Variants in PKN2 observed in about 807,000 individuals in gnomAD.
PKN2 encodes protein kinase N2, also known as serine/threonine-protein kinase N2.
PKN2 carries 38 observed loss-of-function variants against 119.1 expected under a neutral mutation model. The ratio of observed to expected loss-of-function variants is 0.32; its 90% CI spans 0.25 to 0.42. PKN2 has a LOEUF of 0.42. Among genes scored for constraint, PKN2 ranks in the 10% least tolerant of loss-of-function variants. The pLI, the probability that PKN2 is intolerant of heterozygous loss-of-function variation, is 1.00. For synonymous variants in PKN2, 390 were observed against 384.9 expected (o/e 1.01, Z -0.15); for missense variants, 850 against 1,165.1 (o/e 0.73, Z 3.94).
At chr1:88,757,965 C>A (rs900328619) in intron 2 of PKN2, among the ~76,000 whole-genome samples, 1 of 147,026 alleles carries the variant, frequency 6.8e-6, no homozygotes, top group African/African-American at 2.6e-5. Context: ...TGCTTGAACC[C>A]AGGAGGCGGA....
At chr1:88,689,156 A>G (rs889326817) in intron 1 of PKN2, among the ~76,000 whole-genome samples, 2 of 152,156 alleles carry the variant, frequency 1.3e-5, no homozygotes, top group African/African-American at 4.8e-5. Context: ...GGTAGTTAAG[A>G]CAGACTTTAC....
chr1:88,809,192 T>G (rs1671683605), intron 15 of PKN2, among the ~76,000 whole-genome samples: 1 of 152,214 alleles, frequency 6.6e-6, no homozygotes, highest in Non-Finnish European at 1.5e-5. Flanking sequence ...TCAAAATAAA[T>G]GCTTTCTTGA....
intron 1 of PKN2, among the ~76,000 whole-genome samples, chr1:88,702,342 A>G (rs530382384): frequency 4.3e-4 from 65 of 152,306 alleles, no homozygotes; most frequent in Non-Finnish European, 8.2e-4. Context: ...GGAGGGTAGG[A>G]TAATAGGAAC....
chr1:88,747,179 G>A (rs188856757), intron 2 of PKN2, among the ~76,000 whole-genome samples: 47 of 152,232 alleles, frequency 3.1e-4, no homozygotes, highest in Non-Finnish European at 5.9e-4. Flanking sequence ...GGAGGAATAA[G>A]TTCTGTTGAT....
At chr1:88,772,048 T>A (rs958117190) in intron 6 of PKN2, among the ~76,000 whole-genome samples, 169 bp downstream of exon 6, 6 of 152,220 alleles carry the variant, frequency 3.9e-5, no homozygotes, top group African/African-American at 1.4e-4. Context: ...TTGGAAGCAT[T>A]TGCTATATTC....
At chr1:88,822,652 C>T (rs951795562) in intron 17 of PKN2, among the ~76,000 whole-genome samples, 10 of 150,640 alleles carry the variant, frequency 6.6e-5, no homozygotes, top group Admixed American at 1.3e-4. Context: ...AATCTCGGCT[C>T]ATGGCAACCT....
At chr1:88,795,034 T>A (rs1271223448) in intron 8 of PKN2, among the ~76,000 whole-genome samples, 8 of 152,354 alleles carry the variant, frequency 5.3e-5, no homozygotes, top group Non-Finnish European at 8.8e-5. Context: ...GTAAAAGTTA[T>A]CCCACATTTT....
chr1:88,816,930 C>G (rs1383676568), intron 16 of PKN2: 9 of 152,042 alleles, frequency 5.9e-5, no homozygotes, highest in African/African-American at 2.2e-4. Context: ...CAAAAAAAGC[C>G]CAGGACCAGA....
Position 88,684,463 on chromosome 1 carries a change from AGTT to A in PKN2, c.-114_-112del, listed in dbSNP as rs1287318363. On this transcript the variant is annotated 5_prime_UTR_variant, in exon 1 of 22. Coordinates refer to ENST00000370521, the MANE Select transcript of PKN2 (RefSeq NM_006256.4). ...AGGGGCTGCGCCTCCATGAATCCCT[AGTT>A]GTTTTTTTTTTTTTCTTTCTCTCCC... is the stretch of plus-strand genomic sequence containing the variant. The A allele has an allele frequency of 3.0e-5, 24 of 810,164 alleles. No individual in the cohort carries two copies. In the Middle Eastern group the frequency reaches 2.0e-3, roughly 67 times the overall value. The allele number at this position is 810,164 out of a possible 1,614,324, so 50.2% of individuals were successfully genotyped here.
intron 8 of PKN2, among the ~76,000 whole-genome samples, chr1:88,799,707 A>G (rs931482325): frequency 6.6e-6 from 1 of 152,220 alleles, no homozygotes; most frequent in African/African-American, 2.4e-5. Flanking sequence ...AGATTCTGGC[A>G]ATGATTTAAG....
intron 1 of PKN2, among the ~76,000 whole-genome samples, chr1:88,692,154 C>T (rs1666361084): frequency 6.6e-6 from 1 of 151,750 alleles, no homozygotes; most frequent in Non-Finnish European, 1.5e-5. Context: ...GATTTATCCA[C>T]ATTTTTGCAT....
Position 88,807,404 on chromosome 1 carries a change from G to T in PKN2, c.1895G>T (p.Gly632Val), listed in dbSNP as rs766724728. The T allele has an allele frequency of 6.2e-7, 1 of 1,610,570 alleles. No homozygotes were observed. The highest frequency in any genetic ancestry group is 8.5e-7 in the Non-Finnish European group (1 of 1,177,858). Residue 632 changes from glycine (G) to valine (V), a missense_variant, in exon 13 of 22, where the codon GGC becomes GTC. By Grantham distance (109) the Gly-to-Val change is moderately radical. Transcript: ENST00000370521. ...TACAAGCCTGATACTCCTCAGTCAG[G>T]CCTAGAATATAGTGGTATTCAAGAA... ...SEYKPDTPQSGLEYSGIQELE... is the reference protein window; with the variant it reads ...SEYKPDTPQSVLEYSGIQELE...
intron 2 of PKN2, among the ~76,000 whole-genome samples, chr1:88,743,990 A>C (rs1668672054): frequency 3.9e-5 from 6 of 152,168 alleles, no homozygotes; most frequent in Admixed American, 3.9e-4. Context: ...AAGTTCGTCA[A>C]ATTTTTATTT....
chr1:88,732,396 T>TAAA (rs113356622), intron 1 of PKN2, among the ~76,000 whole-genome samples: 5 of 152,308 alleles, frequency 3.3e-5, no homozygotes, highest in African/African-American at 1.2e-4. Flanking sequence ...TAACTTGAAA[T>TAAA]AAAAGTGTGT....
chr1:88,717,635 A>G (rs965153235), intron 1 of PKN2, among the ~76,000 whole-genome samples: 1 of 151,908 alleles, frequency 6.6e-6, no homozygotes, highest in African/African-American at 2.4e-5. Flanking sequence ...CATGGTTTAC[A>G]GCTCCATCAG....
rs1665983534 is a variant in PKN2 at position 88,684,466 on chromosome 1, T to A, written c.-115T>A. 18 of 851,672 alleles carry A rather than the reference T, an allele frequency of 2.1e-5. No individual in the cohort carries two copies. The highest frequency in any genetic ancestry group is 1.6e-4 in the East Asian group (5 of 32,250). The allele number at this position is 851,672 out of a possible 1,614,324, so 52.8% of individuals were successfully genotyped here. A position where few individuals can be genotyped will look rare whatever the true frequency, so the allele number is the denominator to read the frequency against. On this transcript the variant is annotated 5_prime_UTR_variant, in exon 1 of 22. Transcript: ENST00000370521. ...GGCTGCGCCTCCATGAATCCCTAGT[T>A]GTTTTTTTTTTTTTCTTTCTCTCCC... is the stretch of plus-strand genomic sequence containing the variant.
rs778367973 is a variant in PKN2, at chr1:88,813,719, T to G, written c.2265T>G (p.Ser755=). 5 of 1,594,186 alleles carry G rather than the reference T, an allele frequency of 3.1e-6. No homozygotes were observed. Among genetic ancestry groups the G allele is most frequent in the Non-Finnish European group, 4.3e-6 (5 of 1,173,506 alleles). ...LMMHIHTDVF[S]EPRAVFYAAC... is the part of the protein sequence containing the mutation. Reference sequence around the variant, plus strand: ...TGCACATTCATACTGATGTCTTTTCTGAACCAAGAGCTGTGTGAGTATGCT... The same window carrying G: ...TGCACATTCATACTGATGTCTTTTCGGAACCAAGAGCTGTGTGAGTATGCT... The change falls in exon 16 of 22, where the codon TCT becomes TCG. Residue 755 remains serine (S), a synonymous_variant. Coordinates refer to ENST00000370521, the MANE Select transcript of PKN2 (RefSeq NM_006256.4).
chr1:88,716,388 T>G lies in PKN2; in HGVS notation c.49-24600T>G, dbSNP rs182874285. On this transcript the variant is annotated intron_variant, in intron 1 of 21. Coordinates refer to ENST00000370521, the MANE Select transcript of PKN2 (RefSeq NM_006256.4). Reference sequence around the variant, plus strand: ...TCGTTGATCTGTCTAATGTTGACACTGGGGTGTTAAAGTCTCCCATTATTA... The same window carrying G: ...TCGTTGATCTGTCTAATGTTGACACGGGGGTGTTAAAGTCTCCCATTATTA... Among the ~76,000 whole-genome samples the G allele has an allele frequency of 9.3e-3, 1,424 of 152,330 alleles. 30 individuals carry two copies. Among genetic ancestry groups the G allele is most frequent in the African/African-American group, 0.033 (1,355 of 41,552 alleles).
rs1671471745 is a variant in PKN2, at chr1:88,804,871, A to T, written c.1451A>T (p.Glu484Val). ...GTTACCTTTTTTAATCCAGTTATTG[A>T]AAGAAGACCAAAACTTCAAAGACAA... ...AEVTFFNPVI[E>V]RRPKLQRQKK... The change falls in exon 10 of 22, where the codon GAA becomes GTA. Residue 484 changes from glutamate (E) to valine (V), a missense_variant. Physicochemically the swap from Glu to Val is moderately radical, Grantham distance 121. This residue lies in a region of PKN2 where 350 missense variants were observed against 511.1 expected (regional missense o/e 0.68). Coordinates refer to ENST00000370521, the MANE Select transcript of PKN2 (RefSeq NM_006256.4). 1 of 1,579,720 alleles carries T rather than the reference A, an allele frequency of 6.3e-7. No individual in the cohort carries two copies. The highest frequency in any genetic ancestry group is 8.7e-7 in the Non-Finnish European group (1 of 1,155,820).
Sources: allele counts gnomAD v4.1 joint callset (sites outside exome capture counted in the v4.1 genomes callset), GRCh38; gene constraint gnomAD v4.1.1; regional missense constraint gnomAD v4.1.1; transcripts MANE v1.5; gene names NCBI Gene and HGNC (gene_info 2026-07-23, HGNC 2026-07-21).